DLGAP2: variants seen among roughly 807,000 people sequenced by gnomAD.
DLGAP2 encodes disks large-associated protein 2.
In DLGAP2, 26 loss-of-function variants were observed where a neutral mutation model predicts 100.3. That is an observed-to-expected ratio of 0.26 (90% CI 0.19 to 0.36). The LOEUF (loss-of-function observed/expected upper bound fraction) is 0.36, where lower values mean the gene tolerates loss of function less well. DLGAP2 is among the 10% of genes least tolerant of loss of function. The pLI is 1.00. For missense variants in DLGAP2, 1,858 were observed against 1,453.2 expected (o/e 1.28, Z -4.53); for synonymous variants, 886 against 630.1 (o/e 1.41, Z -6.08).
chr8:788,144 G>T (rs939099334), intron 1 of DLGAP2, among the ~76,000 whole-genome samples: 1 of 152,366 alleles, frequency 6.6e-6, no homozygotes, highest in South Asian at 2.1e-4. Context: ...GTTTGGTGAT[G>T]AAGTGTGGTA....
intron 4 of DLGAP2, among the ~76,000 whole-genome samples, chr8:1,502,081 G>A (rs1326542962): frequency 2.6e-5 from 4 of 152,348 alleles, no homozygotes; most frequent in Non-Finnish European, 5.9e-5. Flanking sequence ...ACATCAAACT[G>A]TTGAATAAAA....
At chr8:1,492,698 C>T (rs943079607) in intron 3 of DLGAP2, among the ~76,000 whole-genome samples, 2 of 152,112 alleles carry the variant, frequency 1.3e-5, no homozygotes, top group African/African-American at 2.4e-5. Context: ...CGGGATGGAC[C>T]CCCCGCCTCC....
intron 2 of DLGAP2, among the ~76,000 whole-genome samples, chr8:1,025,132 ATGTGTGTGTGCG>A (rs1157878321): frequency 1.3e-5 from 2 of 151,512 alleles, no homozygotes; most frequent in Admixed American, 6.6e-5. Flanking sequence ...GTGCGTGTGC[ATGTGTGTGTGCG>A]TGTGTGTGTG....
intron 3 of DLGAP2, among the ~76,000 whole-genome samples, chr8:1,430,025 T>TATATATATATATATATATATATAC (rs1797377276): frequency 1.0e-5 from 1 of 98,812 alleles, no homozygotes; most frequent in Non-Finnish European, 2.0e-5. Context: ...TATATATATA[T>TATATATATATATATATATATATAC]ATACACACAC....
At chr8:1,478,164 C>G (rs1389026807) in intron 3 of DLGAP2, among the ~76,000 whole-genome samples, 1 of 152,212 alleles carries the variant, frequency 6.6e-6, no homozygotes, top group Non-Finnish European at 1.5e-5. Flanking sequence ...TGTCTGTCCA[C>G]TCTCTTCCAT....
chr8:940,973 A>C, intron 2 of DLGAP2, among the ~76,000 whole-genome samples: 1 of 152,138 alleles, frequency 6.6e-6, no homozygotes, highest in African/African-American at 2.4e-5. Context: ...CAGCGGGGTC[A>C]CAGTTCAGGG....
chr8:1,694,988 C>T (rs1278984543), intron 13 of DLGAP2, among the ~76,000 whole-genome samples: 1 of 152,198 alleles, frequency 6.6e-6, no homozygotes, highest in Non-Finnish European at 1.5e-5. Flanking sequence ...CCGTCCGGCC[C>T]CAGCATGTGG....
intron 13 of DLGAP2, among the ~76,000 whole-genome samples, chr8:1,694,692 C>T (rs1469996343): frequency 6.6e-6 from 1 of 152,154 alleles, no homozygotes; most frequent in South Asian, 2.1e-4. Flanking sequence ...TGCCGGCGCA[C>T]AGAGAGCTGC....
chr8:1,349,192 G>A (rs1047259908), intron 3 of DLGAP2, among the ~76,000 whole-genome samples: 2 of 150,478 alleles, frequency 1.3e-5, no homozygotes, highest in African/African-American at 2.4e-5. Flanking sequence ...CAGCTGTGTC[G>A]TACGCTCACA....
chr8:1,355,571 G>A (rs1206625247), intron 3 of DLGAP2, among the ~76,000 whole-genome samples: 1 of 152,080 alleles, frequency 6.6e-6, no homozygotes, highest in East Asian at 1.9e-4. Context: ...CTCCATGTTG[G>A]TCAGGCTGGT....
At chr8:1,556,039 T>G (rs772961988) in intron 5 of DLGAP2, among the ~76,000 whole-genome samples, 3 of 152,226 alleles carry the variant, frequency 2.0e-5, no homozygotes, top group Non-Finnish European at 2.9e-5. Context: ...ATGGCCTACA[T>G]GTAACTCAAG....
chr8:1,250,266 G>T (rs1444241173), intron 2 of DLGAP2: 1 of 152,216 alleles, frequency 6.6e-6, no homozygotes, highest in Non-Finnish European at 1.5e-5. Flanking sequence ...ACGTGACAAT[G>T]GCGAGCAGAG....
chr8:902,925 GTGGAACGTGGGCAGGTGGGT>G (rs1176003009), intron 1 of DLGAP2, among the ~76,000 whole-genome samples: 10 of 78,542 alleles, frequency 1.3e-4, no homozygotes, highest in Non-Finnish European at 1.8e-4. Context: ...GGCGGGGGCG[GTGGAACGTGGGCAGGTGGGT>G]GGGGGCGGGG....
chr8:1,138,197 G>A (rs758278986), intron 2 of DLGAP2, among the ~76,000 whole-genome samples: 28 of 152,342 alleles, frequency 1.8e-4, no homozygotes, highest in Non-Finnish European at 2.8e-4. Context: ...TTTGGAAAGC[G>A]CAGCTCCTGG....
chr8:1,289,889 T>G (rs1800021344), intron 3 of DLGAP2, among the ~76,000 whole-genome samples: 1 of 152,224 alleles, frequency 6.6e-6, no homozygotes, highest in Non-Finnish European at 1.5e-5. Context: ...AGATGATTTG[T>G]AAGTGGTTTT....
chr8:1,624,367 T>C (rs1797435197), intron 6 of DLGAP2, among the ~76,000 whole-genome samples: 1 of 152,056 alleles, frequency 6.6e-6, no homozygotes, highest in African/African-American at 2.4e-5. Flanking sequence ...GTCAGGGCTC[T>C]TGGCATCCAC....
intron 3 of DLGAP2, among the ~76,000 whole-genome samples, chr8:1,360,276 C>CTCCGGGGCGGGGCTTA (rs1801952523): frequency 8.3e-6 from 1 of 120,750 alleles, no homozygotes; most frequent in African/African-American, 3.7e-5. Context: ...GGCGGGGCTT[C>CTCCGGGGCGGGGCTTA]TCTGGGGCGG....
chr8:891,890 C>G (rs1468674532), intron 1 of DLGAP2, among the ~76,000 whole-genome samples: 2 of 152,156 alleles, frequency 1.3e-5, no homozygotes, highest in African/African-American at 2.4e-5. Context: ...TGCAGGGAAG[C>G]CGGGCTAGTG....
chr8:1,467,333 C>T lies in DLGAP2; in HGVS notation c.107-34033C>T, dbSNP rs555941659. Among the ~76,000 whole-genome samples the T allele has an allele frequency of 3.3e-5, 5 of 152,118 alleles. No homozygotes were observed. The East Asian group carries it at 5.8e-4, about 18-fold the overall frequency. ...TCCTGCAGTCCCTGTTCCTCAGACCCATCCCCATGTGACTGTACTTCCCAT... is the reference window on the plus strand; with the variant it reads ...TCCTGCAGTCCCTGTTCCTCAGACCTATCCCCATGTGACTGTACTTCCCAT... On this transcript the variant is annotated intron_variant, in intron 3 of 14. Coordinates refer to ENST00000637795, the MANE Select transcript of DLGAP2 (RefSeq NM_001346810.2).
Sources: allele counts gnomAD v4.1 joint callset (sites outside exome capture counted in the v4.1 genomes callset), GRCh38; gene constraint gnomAD v4.1.1; transcripts MANE v1.5; gene names NCBI Gene and HGNC (gene_info 2026-07-23, HGNC 2026-07-21).